The following IMMP2L variants were observed in gnomAD, a reference collection of about 807,000 sequenced individuals.
IMMP2L encodes the protein inner mitochondrial membrane peptidase subunit 2, also known as mitochondrial inner membrane protease subunit 2.
A neutral mutation model predicts 19.3 loss-of-function variants in IMMP2L; 18 were observed. The ratio of observed to expected loss-of-function variants is 0.93; its 90% CI spans 0.64 to 1.38. The LOEUF is 1.38. Ranked by LOEUF, IMMP2L falls within the 40% of genes most tolerant of loss-of-function variation. The pLI is 0.00. For synonymous variants in IMMP2L, 76 were observed against 73.0 expected (o/e 1.04, Z -0.21); for missense variants, 233 against 218.2 (o/e 1.07, Z -0.43).
At chr7:110,733,600 T>C (rs372332909) in intron 5 of IMMP2L, among the ~76,000 whole-genome samples, 5 of 152,118 alleles carry the variant, frequency 3.3e-5, no homozygotes, top group African/African-American at 1.2e-4. Flanking sequence ...TCATATAAAC[T>C]TAAAAATGTG....
chr7:111,487,553 T>A (rs1206641745), intron 2 of IMMP2L, among the ~76,000 whole-genome samples: 1 of 152,144 alleles, frequency 6.6e-6, no homozygotes, highest in East Asian at 1.9e-4. Context: ...AAATTACCAA[T>A]GCTTATTTGA....
At chr7:110,969,968 G>T (rs1204158277) in intron 3 of IMMP2L, among the ~76,000 whole-genome samples, 5 of 152,090 alleles carry the variant, frequency 3.3e-5, no homozygotes, top group Admixed American at 3.3e-4. Context: ...AACAACAACA[G>T]AATGAACTTT....
intron 3 of IMMP2L, among the ~76,000 whole-genome samples, chr7:111,048,247 A>AG (rs1792619507): frequency 6.7e-5 from 9 of 135,076 alleles, no homozygotes; most frequent in Non-Finnish European, 1.1e-4. Context: ...TCAAAAAAAA[A>AG]AAAAAAAAAA....
intron 5 of IMMP2L, among the ~76,000 whole-genome samples, chr7:110,832,167 C>T (rs565762662): frequency 2.6e-5 from 4 of 152,150 alleles, no homozygotes; most frequent in African/African-American, 9.6e-5. Context: ...GAGGCTGAGG[C>T]AGGGGAATCA....
At chr7:111,156,784 G>A (rs1804690757) in intron 3 of IMMP2L, among the ~76,000 whole-genome samples, 3 of 151,806 alleles carry the variant, frequency 2.0e-5, no homozygotes, top group Admixed American at 1.3e-4. Flanking sequence ...CTTGTATCTA[G>A]TATTTCCTAC....
chr7:110,789,687 A>C (rs1800330478), intron 5 of IMMP2L, among the ~76,000 whole-genome samples: 1 of 151,674 alleles, frequency 6.6e-6, no homozygotes, highest in Non-Finnish European at 1.5e-5. Context: ...AAGGCCCTTC[A>C]TCCTCTGAGC....
At chr7:111,109,559 T>A (rs918984122) in intron 3 of IMMP2L, among the ~76,000 whole-genome samples, 8 of 152,112 alleles carry the variant, frequency 5.3e-5, no homozygotes, top group Non-Finnish European at 1.2e-4. Flanking sequence ...GGAAGAGACC[T>A]GAAAATGGAG....
chr7:111,245,995 C>G, intron 3 of IMMP2L, among the ~76,000 whole-genome samples: 1 of 27,504 alleles, frequency 3.6e-5, no homozygotes, highest in Non-Finnish European at 5.3e-5. Context: ...TTTGTTGTGT[C>G]TCTGCCCGGC....
rs373328225 is a variant in IMMP2L, at chr7:111,461,677, G to A, written c.239+25561C>T. 2.6e-5 allele frequency among the ~76,000 whole-genome samples: 4 copies of A among 151,986 alleles called. No homozygotes were observed. In the South Asian group the frequency reaches 6.2e-4, roughly 24 times the overall value. On this transcript the variant is annotated intron_variant, in intron 3 of 5. Coordinates refer to ENST00000405709, the MANE Select transcript of IMMP2L (RefSeq NM_032549.4). ...CACTTTATTCTGGAGACTGGAAATCGCTCTTATGATGCTCTTTGCTCATCA... is the reference window on the plus strand; with the variant it reads ...CACTTTATTCTGGAGACTGGAAATCACTCTTATGATGCTCTTTGCTCATCA...
intron 3 of IMMP2L, among the ~76,000 whole-genome samples, chr7:111,010,239 TA>T: frequency 6.6e-6 from 1 of 152,272 alleles, no homozygotes; most frequent in Non-Finnish European, 1.5e-5. Flanking sequence ...AAAGACTTGC[TA>T]TTTAAAATAT....
intron 3 of IMMP2L, among the ~76,000 whole-genome samples, chr7:111,030,649 C>G (rs1210303130): frequency 6.6e-6 from 1 of 151,918 alleles, no homozygotes; most frequent in Non-Finnish European, 1.5e-5. Context: ...AAGTTCTCAA[C>G]TATGAAAGGT....
At chr7:111,405,150 C>T (rs1833804784) in intron 3 of IMMP2L, among the ~76,000 whole-genome samples, 1 of 152,026 alleles carries the variant, frequency 6.6e-6, no homozygotes. Flanking sequence ...GCTTACACAG[C>T]TCATTTTTAG....
At chr7:111,354,487 T>C (rs1828497481) in intron 3 of IMMP2L, among the ~76,000 whole-genome samples, 1 of 151,564 alleles carries the variant, frequency 6.6e-6, no homozygotes, top group Non-Finnish European at 1.5e-5. Context: ...AAGGGAAATA[T>C]TACATTAAAT....
At chr7:111,384,326 G>A (rs1831522576) in intron 3 of IMMP2L, among the ~76,000 whole-genome samples, 1 of 151,374 alleles carries the variant, frequency 6.6e-6, no homozygotes, top group African/African-American at 2.4e-5. Flanking sequence ...GGAGAAGGAG[G>A]AGGGAGGAGG....
intron 5 of IMMP2L, among the ~76,000 whole-genome samples, chr7:110,801,786 C>T (rs1012505189): frequency 6.6e-6 from 1 of 152,022 alleles, no homozygotes; most frequent in Non-Finnish European, 1.5e-5. Context: ...ACTGCTGGCA[C>T]AACAGAATTG....
At chr7:110,808,548 T>C (rs1282897240) in intron 5 of IMMP2L, among the ~76,000 whole-genome samples, 1 of 152,098 alleles carries the variant, frequency 6.6e-6, no homozygotes, top group Non-Finnish European at 1.5e-5. Flanking sequence ...TCCAGGGCTG[T>C]GCACAGGGGG....
At chr7:111,269,650 T>C (rs561623364) in intron 3 of IMMP2L, among the ~76,000 whole-genome samples, 25 of 151,042 alleles carry the variant, frequency 1.7e-4, no homozygotes, top group Non-Finnish European at 3.1e-4. Context: ...CAGTTTTTTT[T>C]AAAAAAAAAC....
chr7:111,270,720 C>T (rs1461091753), intron 3 of IMMP2L, among the ~76,000 whole-genome samples: 6 of 152,132 alleles, frequency 3.9e-5, no homozygotes, highest in East Asian at 3.9e-4. Context: ...AATTTATGAA[C>T]GGTACGTTTG....
intron 2 of IMMP2L, among the ~76,000 whole-genome samples, chr7:111,520,295 C>T (rs1466974209): frequency 1.3e-5 from 2 of 151,942 alleles, no homozygotes; most frequent in South Asian, 4.2e-4. Flanking sequence ...ATCTTCTGCC[C>T]AAGAAAAGGC....
Sources: allele counts gnomAD v4.1 joint callset (sites outside exome capture counted in the v4.1 genomes callset), GRCh38; gene constraint gnomAD v4.1.1; transcripts MANE v1.5; gene names NCBI Gene and HGNC (gene_info 2026-07-23, HGNC 2026-07-21).